Variants in AMPH observed in about 807,000 individuals in gnomAD.
The protein encoded by AMPH is amphiphysin (Stiff-Mann syndrome with breast cancer 128kD autoantigen).
Under a neutral mutation model 99.1 loss-of-function variants are expected in AMPH, and 49 were observed. The observed-to-expected ratio is 0.49, with a 90% CI of 0.39 to 0.63. The LOEUF is 0.63. AMPH is among the 20% of genes least tolerant of loss of function. AMPH has a pLI of 0.00. For missense variants in AMPH, 759 were observed against 863.4 expected, an observed-to-expected ratio of 0.88 and a Z score of 1.52; for synonymous variants, 314 against 317.3, an observed-to-expected ratio of 0.99 and a Z score of 0.11.
chr7:38,413,592 T>C (rs746655336), intron 17 of AMPH, among the ~76,000 whole-genome samples: 1 of 152,178 alleles, frequency 6.6e-6, no homozygotes, highest in Non-Finnish European at 1.5e-5. Flanking sequence ...AATGTAACTA[T>C]TTGCTAATGG....
chr7:38,508,682 A>C (rs1020261549), intron 2 of AMPH, among the ~76,000 whole-genome samples: 1 of 152,192 alleles, frequency 6.6e-6, no homozygotes, highest in African/African-American at 2.4e-5. Context: ...AAGCCTATAG[A>C]CATTCCCAGA....
At chr7:38,571,486 ATT>A (rs1407246811) in intron 1 of AMPH, among the ~76,000 whole-genome samples, 3 of 134,372 alleles carry the variant, frequency 2.2e-5, no homozygotes, top group East Asian at 4.3e-4. Context: ...TAAAATATAT[ATT>A]CTATATAAAT....
chr7:38,451,058 AT>A (rs754144389), intron 11 of AMPH, among the ~76,000 whole-genome samples: 7,247 of 137,756 alleles, frequency 0.053, 311 homozygotes, highest in African/African-American at 0.13. Flanking sequence ...ATGCCCAGCT[AT>A]TTTTTTTTTT....
Position 38,391,961 on chromosome 7 carries a change from T to C in AMPH, c.1665A>G (p.Gly555=). 6.2e-7 allele frequency: 1 copy of C among 1,611,144 alleles called. No individual in the cohort carries two copies. The highest frequency in any genetic ancestry group is 1.1e-5 in the South Asian group (1 of 91,028). The change falls in exon 19 of 21, where the codon GGA becomes GGG. Residue 555 remains glycine (G), a synonymous_variant. Transcript: ENST00000356264. Reference sequence around the variant, plus strand: ...CTGCACCTATAGTTATTTCGTTTTCTCCTTCCTCTTCATGGTTGGAGGCAG... The same window carrying C: ...CTGCACCTATAGTTATTTCGTTTTCCCCTTCCTCTTCATGGTTGGAGGCAG... ...IEPASNHEEE[G]ENEITIGAEP...
chr7:38,460,198 G>A (rs761531682), intron 11 of AMPH, among the ~76,000 whole-genome samples: 34 of 152,108 alleles, frequency 2.2e-4, no homozygotes, highest in Admixed American at 2.0e-3. Flanking sequence ...AATAGATGCT[G>A]GCAAGGATAT....
chr7:38,569,297 A>C (rs559617411), intron 1 of AMPH, among the ~76,000 whole-genome samples: 37 of 151,956 alleles, frequency 2.4e-4, no homozygotes, highest in Non-Finnish European at 5.9e-5. Context: ...AATTAGGAAC[A>C]CTAAGTATGC....
At chr7:38,601,293 T>G (rs1793238477) in intron 1 of AMPH, among the ~76,000 whole-genome samples, 1 of 152,186 alleles carries the variant, frequency 6.6e-6, no homozygotes, top group Non-Finnish European at 1.5e-5. Context: ...AAGCCCTCAT[T>G]CCCAAGAAGC....
intron 2 of AMPH, chr7:38,531,010 T>TTTCC (rs1202638141): frequency 6.6e-6 from 1 of 152,254 alleles, no homozygotes; most frequent in Non-Finnish European, 1.5e-5. Flanking sequence ...TCTTTCTTTC[T>TTTCC]TTCCTTCCTT....
chr7:38,618,856 T>A (rs1361714001), intron 1 of AMPH, among the ~76,000 whole-genome samples: 1 of 152,192 alleles, frequency 6.6e-6, no homozygotes, highest in Non-Finnish European at 1.5e-5. Context: ...AAGATATACA[T>A]GACAAACATA....
chr7:38,494,553 G>A (rs112924008), intron 3 of AMPH, 26 bp from the exon 4 acceptor site: 113 of 1,588,934 alleles, frequency 7.1e-5, no homozygotes, highest in African/African-American at 5.4e-4. Flanking sequence ...AACAACTCCC[G>A]TTACACAGAA....
At chr7:38,438,915 G>T (rs752318257) in intron 11 of AMPH, among the ~76,000 whole-genome samples, 8 of 152,222 alleles carry the variant, frequency 5.3e-5, no homozygotes, top group Non-Finnish European at 1.0e-4. Flanking sequence ...ATGCATACAT[G>T]TGATTATAGT....
chr7:38,516,959 T>C (rs1789770602), intron 2 of AMPH, among the ~76,000 whole-genome samples: 1 of 152,230 alleles, frequency 6.6e-6, no homozygotes, highest in Non-Finnish European at 1.5e-5. Context: ...TTTTGATCAA[T>C]TTATCCCTTT....
intron 17 of AMPH, among the ~76,000 whole-genome samples, chr7:38,395,080 G>C (rs1258583541): frequency 6.6e-6 from 1 of 152,156 alleles, no homozygotes; most frequent in Non-Finnish European, 1.5e-5. Flanking sequence ...TGGGTCACAG[G>C]ATGGAAGTGG....
chr7:38,487,922 A>G (rs1435730133), intron 5 of AMPH, among the ~76,000 whole-genome samples: 1 of 152,252 alleles, frequency 6.6e-6, no homozygotes, highest in Non-Finnish European at 1.5e-5. Context: ...CATATGAAAA[A>G]AAGCTCATCA....
At chr7:38,496,909 A>G (rs1441443476) in intron 3 of AMPH, among the ~76,000 whole-genome samples, 1 of 152,202 alleles carries the variant, frequency 6.6e-6, no homozygotes, top group African/African-American at 2.4e-5. Flanking sequence ...TAGACCAAAT[A>G]ATCTTTGTGA....
intron 2 of AMPH, among the ~76,000 whole-genome samples, chr7:38,530,534 C>T (rs1790358351): frequency 6.6e-6 from 1 of 152,184 alleles, no homozygotes. Flanking sequence ...GATGAGGGTG[C>T]TCCCACCTGC....
At chr7:38,534,771 C>T (rs757626182) in intron 2 of AMPH, among the ~76,000 whole-genome samples, 160 bp downstream of exon 2, 32 of 152,162 alleles carry the variant, frequency 2.1e-4, no homozygotes, top group Admixed American at 4.6e-4. Flanking sequence ...GCTCTTTCCC[C>T]GTCTTCAATA....
At chr7:38,611,588 C>A (rs1246173435) in intron 1 of AMPH, among the ~76,000 whole-genome samples, 1 of 152,178 alleles carries the variant, frequency 6.6e-6, no homozygotes, top group African/African-American at 2.4e-5. Context: ...AATGGCTAAA[C>A]CTTCAGTCTC....
At chr7:38,450,569 C>T (rs901709384) in intron 11 of AMPH, among the ~76,000 whole-genome samples, 4 of 152,180 alleles carry the variant, frequency 2.6e-5, no homozygotes, top group Admixed American at 6.5e-5. Flanking sequence ...TCCATGTGTA[C>T]GGTCGATTAT....
Sources: gnomAD v4.1 joint callset for allele counts (sites outside exome capture counted in the v4.1 genomes callset) on GRCh38, gnomAD v4.1.1 for gene constraint, MANE v1.5 for transcripts, NCBI Gene and HGNC (gene_info 2026-07-23, HGNC 2026-07-21) for gene names.